GOLGA4: variants seen among roughly 807,000 people sequenced by gnomAD.
GOLGA4 encodes golgin subfamily A member 4.
GOLGA4 carries 169 observed loss-of-function variants against 265.9 expected under a neutral mutation model. The observed-to-expected ratio is 0.64, with a 90% CI of 0.56 to 0.72. The LOEUF is 0.72. Among genes scored for constraint, GOLGA4 ranks in the 30% least tolerant of loss-of-function variants. GOLGA4 has a pLI of 0.00. For synonymous variants in GOLGA4, 923 were observed against 855.8 expected, an observed-to-expected ratio of 1.08 and a Z score of -1.37; for missense variants, 2,482 against 2,483.4, an observed-to-expected ratio of 1.00 and a Z score of 0.01.
chr3:37,286,933 T>G (rs548733527), intron 4 of GOLGA4, among the ~76,000 whole-genome samples: 26 of 152,340 alleles, frequency 1.7e-4, no homozygotes, highest in Non-Finnish European at 2.9e-4. Flanking sequence ...TTGCTTGTGT[T>G]TCTATGCATT....
At chr3:37,333,421 A>G (rs549820289) in intron 16 of GOLGA4, among the ~76,000 whole-genome samples, 2 of 152,200 alleles carry the variant, frequency 1.3e-5, no homozygotes, top group Admixed American at 6.5e-5. Context: ...AGGCTTTTAT[A>G]AAGGAAATTA....
chr3:37,321,915 A>G, intron 13 of GOLGA4, 29 bp downstream of exon 13: 2 of 1,554,728 alleles, frequency 1.3e-6, no homozygotes, highest in Non-Finnish European at 1.7e-6. Flanking sequence ...CAGATTCTGG[A>G]GTTGTGAAAT....
intron 1 of GOLGA4, chr3:37,250,564 A>G (rs2096731089): frequency 6.6e-6 from 1 of 152,192 alleles, no homozygotes; most frequent in Non-Finnish European, 1.5e-5. Context: ...TATTTGACAA[A>G]TATTTATTAA....
rs1210100504 is a variant in GOLGA4, at chr3:37,350,911, T to C, written c.6576+3615T>C. On this transcript the variant is annotated intron_variant, in intron 21 of 23. Transcript: ENST00000361924. ...ATAATATTTTTGCTAGTGGAGGATA[T>C]TACCTCTATGTTGATGGCTCTTGAC... 2.0e-5 allele frequency among the ~76,000 whole-genome samples: 3 copies of C among 152,272 alleles called. No individual in the cohort carries two copies. In the East Asian group the frequency reaches 5.8e-4, roughly 29 times the overall value.
intron 2 of GOLGA4, chr3:37,276,029 G>A (rs2096817072): frequency 6.2e-7 from 1 of 1,612,920 alleles, no homozygotes. Flanking sequence ...CAGCGGCAAT[G>A]TAAGCAACAG....
At chr3:37,361,116 TG>T in intron 22 of GOLGA4, 126 bp from the exon 23 acceptor site, 1 of 711,238 alleles carries the variant, frequency 1.4e-6, no homozygotes, top group Non-Finnish European at 2.6e-6. Flanking sequence ...ACCCTTGATT[TG>T]GGGAGATTTG....
At chr3:37,329,126 A>T (rs1459104945) in intron 16 of GOLGA4, 33 bp downstream of exon 16, 1 of 1,545,590 alleles carries the variant, frequency 6.5e-7, no homozygotes, top group East Asian at 2.3e-5. Context: ...CTCACTTTTG[A>T]AATTTAGCTG....
intron 22 of GOLGA4, among the ~76,000 whole-genome samples, chr3:37,359,416 A>C (rs896929228): frequency 3.3e-5 from 5 of 152,196 alleles, no homozygotes; most frequent in African/African-American, 1.2e-4. Flanking sequence ...TGTTATATGG[A>C]AACCCCTCTT....
Position 37,325,788 on chromosome 3 carries a change from A to T in GOLGA4, c.3902A>T (p.Glu1301Val). 1 of 1,613,370 alleles carries T rather than the reference A, an allele frequency of 6.2e-7. No individual in the cohort carries two copies. The highest frequency in any genetic ancestry group is 8.5e-7 in the Non-Finnish European group (1 of 1,179,574). ...CAACAGGCTACTCATCAGTTAGAAGAAAAAGAAAATCAAATTAAGAGCATG... is the reference window on the plus strand; with the variant it reads ...CAACAGGCTACTCATCAGTTAGAAGTAAAAGAAAATCAAATTAAGAGCATG... Reference protein sequence around the residue: ...SFQQATHQLEEKENQIKSMKA... With the variant: ...SFQQATHQLEVKENQIKSMKA... The change falls in exon 14 of 24, where the codon GAA (glutamate) becomes GTA (valine). Residue 1301 changes from glutamate to valine, a missense_variant. Coordinates refer to ENST00000361924, the MANE Select transcript of GOLGA4 (RefSeq NM_002078.5).
intron 20 of GOLGA4, among the ~76,000 whole-genome samples, chr3:37,341,126 C>T (rs1025018835): frequency 6.6e-6 from 1 of 151,930 alleles, no homozygotes; most frequent in Non-Finnish European, 1.5e-5. Flanking sequence ...AAGATCATGC[C>T]ATTGCACTAA....
At chr3:37,264,921 T>A (rs1004000582) in intron 2 of GOLGA4, among the ~76,000 whole-genome samples, 41 of 152,114 alleles carry the variant, frequency 2.7e-4, no homozygotes, top group Non-Finnish European at 5.0e-4. Context: ...TTTTAGTTTT[T>A]ATTTAGAAAT....
At chr3:37,358,384 GT>G (rs1479782812) in intron 22 of GOLGA4, among the ~76,000 whole-genome samples, 2 of 152,034 alleles carry the variant, frequency 1.3e-5, no homozygotes, top group Admixed American at 6.6e-5. Flanking sequence ...AGTTATTACT[GT>G]TTTCAGAGTT....
chr3:37,360,521 C>G (rs991685211), intron 22 of GOLGA4, among the ~76,000 whole-genome samples: 1 of 152,170 alleles, frequency 6.6e-6, no homozygotes, highest in Non-Finnish European at 1.5e-5. Context: ...GTTGGCCACA[C>G]TATCCAAGAA....
intron 4 of GOLGA4, among the ~76,000 whole-genome samples, 169 bp from the exon 5 acceptor site, chr3:37,289,066 T>G (rs2096858026): frequency 6.6e-6 from 1 of 152,234 alleles, no homozygotes; most frequent in Non-Finnish European, 1.5e-5. Context: ...ACTTAACAGA[T>G]TTTTCAATAT....
chr3:37,317,668 A>G (rs2096941630), intron 11 of GOLGA4, among the ~76,000 whole-genome samples: 5 of 152,214 alleles, frequency 3.3e-5, no homozygotes, highest in Non-Finnish European at 7.3e-5. Flanking sequence ...GCATTATCTA[A>G]CTTTATCTTT....
chr3:37,289,218 TTC>T lies in GOLGA4; in HGVS notation c.526-10_526-9del, dbSNP rs1553609386. ...AGTTAGCTGTTTAACCAGCTTTTTT[TTC>T]TCTCTCAATTAAAGGGTATATTAAG... On this transcript the variant is annotated splice_polypyrimidine_tract_variant and intron_variant, in intron 4 of 23. Transcript: ENST00000361924. The T allele has an allele frequency of 6.7e-6, 10 of 1,502,170 alleles. No homozygotes were observed. The highest frequency in any genetic ancestry group is 1.4e-5 in the African/African-American group (1 of 71,780). 93.1% of individuals were successfully genotyped at this position (1,502,170 alleles called of 1,614,324 possible). A position where few individuals can be genotyped will look rare whatever the true frequency, so the allele number is the denominator to read the frequency against.
intron 2 of GOLGA4, among the ~76,000 whole-genome samples, chr3:37,261,762 A>G (rs1398125252): frequency 1.3e-5 from 2 of 152,186 alleles, no homozygotes; most frequent in African/African-American, 2.4e-5. Context: ...TAGAGCTCTC[A>G]GTGGTCCATT....
At chr3:37,280,081 A>G (rs544414181) in intron 2 of GOLGA4, among the ~76,000 whole-genome samples, 2 of 152,286 alleles carry the variant, frequency 1.3e-5, no homozygotes, top group African/African-American at 4.8e-5. Flanking sequence ...CTGAAAGCTT[A>G]CCATTGTTTG....
In GOLGA4 at chr3:37,323,932, G is replaced by A. The variant is rs1421730667; in HGVS notation, c.2046G>A (p.Lys682=). The part of the protein sequence containing the change: ...NEKTLEKLDV[K]QTELESLSSE... ...AGACTTTAGAAAAGCTTGATGTGAA[G>A]CAAACAGAACTAGAATCATTATCTT... Residue 682 remains lysine, a synonymous_variant, in exon 14 of 24, where the codon AAG becomes AAA. Transcript: ENST00000361924. 7.4e-6 allele frequency: 12 copies of A among 1,613,482 alleles called. No individual in the cohort carries two copies. Among genetic ancestry groups the A allele is most frequent in the Non-Finnish European group, 1.0e-5 (12 of 1,179,930 alleles).
Sources: gnomAD v4.1 joint callset for allele counts (sites outside exome capture counted in the v4.1 genomes callset) on GRCh38, gnomAD v4.1.1 for gene constraint, MANE v1.5 for transcripts, NCBI Gene and HGNC (gene_info 2026-07-23, HGNC 2026-07-21) for gene names.